Variants in PUM3 observed in about 807,000 individuals in gnomAD.
The protein encoded by PUM3 is pumilio RNA binding family member 3, also known as pumilio homolog 3.
Under a neutral mutation model 84.0 loss-of-function variants are expected in PUM3, and 91 were observed. The observed-to-expected ratio is 1.08, with a 90% CI of 0.91 to 1.29. The LOEUF is 1.29. PUM3 is among the 50% of genes most tolerant of loss of function. The pLI is 0.00. For synonymous variants in PUM3, 321 were observed against 266.7 expected, an observed-to-expected ratio of 1.20 and a Z score of -1.98; for missense variants, 1,067 against 767.5, an observed-to-expected ratio of 1.39 and a Z score of -4.61.
chr9:2,840,953 G>A (rs1816250666), intron 1 of PUM3, among the ~76,000 whole-genome samples: 1 of 152,148 alleles, frequency 6.6e-6, no homozygotes, highest in South Asian at 2.1e-4. Flanking sequence ...ACAGATTCAG[G>A]AAACACATAT....
At chr9:2,830,914 T>C (rs768656905) in intron 7 of PUM3, 48 bp downstream of exon 7, 4 of 956,478 alleles carry the variant, frequency 4.2e-6, no homozygotes, top group Admixed American at 2.2e-5. Flanking sequence ...GGAAACCATG[T>C]CTTCAAAAGA....
chr9:2,811,509 T>A lies in PUM3; in HGVS notation c.1487A>T (p.Glu496Val). Residue 496 changes from glutamate (E) to valine (V), a missense_variant, in exon 15 of 18, where the codon GAA becomes GTA. Glu to Val is a moderately radical substitution (Grantham distance 121, BLOSUM62 -2). Transcript: ENST00000397885. ...ISPALLSYLQ[E>V]HAQEVVLDKS... is the part of the protein sequence containing the mutation. ...ATCTAGCACCACTTCTTGGGCGTGT[T>A]CTTGCAGGTAGCTTAACAAAGCTGG... is the stretch of plus-strand genomic sequence containing the variant. 1.9e-6 allele frequency: 3 copies of A among 1,614,198 alleles called. No individual in the cohort carries two copies. The highest frequency in any genetic ancestry group is 1.7e-6 in the Non-Finnish European group (2 of 1,180,040).
rs1012362906 is a variant in PUM3 at position 2,811,889 on chromosome 9, C to T, written c.1413-306G>A. ...AAAACCAAATAACATACCCAGAAAACAACACATTTACACTGCTGTATGGAC... is the reference window on the plus strand; with the variant it reads ...AAAACCAAATAACATACCCAGAAAATAACACATTTACACTGCTGTATGGAC... On this transcript the variant is annotated intron_variant, in intron 14 of 17. Coordinates refer to ENST00000397885, the MANE Select transcript of PUM3 (RefSeq NM_014878.5). 2.9e-5 allele frequency among the ~76,000 whole-genome samples: 4 copies of T among 138,268 alleles called. No individual in the cohort carries two copies. In the East Asian group the frequency reaches 8.5e-4, roughly 30 times the overall value. The allele number at this position is 138,268 out of a possible 152,430, so 90.7% of individuals were successfully genotyped here.
At chr9:2,837,089 G>C in intron 3 of PUM3, 91 bp downstream of exon 3, 2 of 1,079,064 alleles carry the variant, frequency 1.9e-6, no homozygotes, top group East Asian at 2.4e-5. Context: ...ACCTGCCAAG[G>C]AATAAGAATG....
At chr9:2,840,828 C>T (rs1816247645) in intron 1 of PUM3, among the ~76,000 whole-genome samples, 2 of 152,174 alleles carry the variant, frequency 1.3e-5, no homozygotes, top group Non-Finnish European at 2.9e-5. Context: ...AAATCAGCCA[C>T]TTCTCCAAGG....
chr9:2,804,154 T>G lies in PUM3; in HGVS notation c.*177A>C. The G allele has an allele frequency of 1.8e-6, 1 of 556,012 alleles. No homozygotes were observed. Among genetic ancestry groups the G allele is most frequent in the Non-Finnish European group, 3.0e-6 (1 of 337,832 alleles). 34.4% of individuals were successfully genotyped at this position (556,012 alleles called of 1,614,324 possible). Reference sequence around the variant, plus strand: ...TGTAACAGAGGAGACAGCTGAGATTTTTAAAAAAGACCATTTAAAAAAACA... The same window carrying G: ...TGTAACAGAGGAGACAGCTGAGATTGTTAAAAAAGACCATTTAAAAAAACA... On this transcript the variant is annotated 3_prime_UTR_variant, in exon 18 of 18. Coordinates refer to ENST00000397885, the MANE Select transcript of PUM3 (RefSeq NM_014878.5).
chr9:2,817,520 G>C (rs954486346), intron 13 of PUM3, among the ~76,000 whole-genome samples: 23 of 151,756 alleles, frequency 1.5e-4, no homozygotes, highest in African/African-American at 5.3e-4. Context: ...CATGAGAAAA[G>C]AAAAAAAGCA....
intron 3 of PUM3, among the ~76,000 whole-genome samples, chr9:2,836,731 G>A (rs1404426878): frequency 6.6e-6 from 1 of 152,068 alleles, no homozygotes; most frequent in African/African-American, 2.4e-5. Flanking sequence ...ACACTTAGCT[G>A]GGGACAGACT....
At chr9:2,835,482 A>C (rs567395376) in intron 3 of PUM3, among the ~76,000 whole-genome samples, 2 of 152,340 alleles carry the variant, frequency 1.3e-5, no homozygotes, top group Non-Finnish European at 2.9e-5. Context: ...TCATGAAATT[A>C]ACATTCCTCA....
At position 2,811,637 on chromosome 9, in the gene PUM3, T is replaced by G; in HGVS notation, c.1413-54A>C. The G allele has an allele frequency of 3.0e-6, 4 of 1,348,430 alleles. No individual in the cohort carries two copies. In the Admixed American group the frequency reaches 6.9e-5, roughly 23 times the overall value. 83.5% of individuals were successfully genotyped at this position (1,348,430 alleles called of 1,614,324 possible). A position where few individuals can be genotyped will look rare whatever the true frequency, so the allele number is the denominator to read the frequency against. On this transcript the variant is annotated intron_variant, in intron 14 of 17. Coordinates refer to ENST00000397885, the MANE Select transcript of PUM3 (RefSeq NM_014878.5). ...GGTAAGATAAATCGCAAAGGAAATG[T>G]GGTGATATTATCACAAAAACCTCTA...
chr9:2,833,971 G>A (rs111887951), intron 4 of PUM3, 60 bp downstream of exon 4: 1 of 1,547,320 alleles, frequency 6.5e-7, no homozygotes, highest in East Asian at 2.2e-5. Context: ...TATTTACAAG[G>A]TACACTGACT....
chr9:2,826,451 T>C (rs946684364), intron 10 of PUM3, among the ~76,000 whole-genome samples: 2 of 150,580 alleles, frequency 1.3e-5, no homozygotes. Context: ...AATGAATGTA[T>C]AGTCTGGCGT....
At chr9:2,809,981 A>G (rs895821905) in intron 16 of PUM3, among the ~76,000 whole-genome samples, 2 of 152,004 alleles carry the variant, frequency 1.3e-5, no homozygotes, top group African/African-American at 4.8e-5. Context: ...AATGATACTC[A>G]ACAATTGGGG....
intron 10 of PUM3, among the ~76,000 whole-genome samples, chr9:2,825,235 T>A (rs1815780235): frequency 6.6e-6 from 1 of 152,074 alleles, no homozygotes; most frequent in Admixed American, 6.5e-5. Flanking sequence ...ATAAACAGAA[T>A]CAAAACACTC....
intron 4 of PUM3, 54 bp from the exon 5 acceptor site, chr9:2,833,486 C>T: frequency 9.8e-7 from 1 of 1,015,692 alleles, no homozygotes; most frequent in Non-Finnish European, 1.5e-6. Flanking sequence ...TTATTTTAAA[C>T]ACACAAAATT....
At position 2,823,877 on chromosome 9, in the gene PUM3, T is replaced by C. The variant is rs57327961; in HGVS notation, c.1135-43A>G. On this transcript the variant is annotated intron_variant, in intron 11 of 17. Transcript: ENST00000397885. The stretch of plus-strand genomic sequence containing the variant: ...GTCTCACTGAATTTTCAGTTATGTA[T>C]TAAGGGTATTTTGTAGTTAAACATT... 5.6e-4 allele frequency: 575 copies of C among 1,031,914 alleles called. 5 individuals carry two copies. In the African/African-American group the frequency reaches 8.3e-3, roughly 15 times the overall value. 63.9% of individuals were successfully genotyped at this position (1,031,914 alleles called of 1,614,324 possible).
At chr9:2,806,248 T>C (rs935545258) in intron 17 of PUM3, among the ~76,000 whole-genome samples, 1 of 152,176 alleles carries the variant, frequency 6.6e-6, no homozygotes, top group Non-Finnish European at 1.5e-5. Flanking sequence ...GTAAAAAAAT[T>C]TGTAATGAAA....
In PUM3 at chr9:2,807,879, C is replaced by G. The variant is rs768308178; in HGVS notation, c.1749G>C (p.Glu583Asp). ...REGCFAKTLV[E>D]HVGMKNLKSW... ...ACTTCAGGTTCTTCATACCAACATG[C>G]TCTACAAGTGTTTTTGCAAAACAAC... is the stretch of plus-strand genomic sequence containing the variant. The change falls in exon 17 of 18, where the codon GAG becomes GAC. Residue 583 changes from glutamate to aspartate, a missense_variant. Coordinates refer to ENST00000397885, the MANE Select transcript of PUM3 (RefSeq NM_014878.5). 1 of 1,613,320 alleles carries G rather than the reference C, an allele frequency of 6.2e-7. No homozygotes were observed. The highest frequency in any genetic ancestry group is 8.5e-7 in the Non-Finnish European group (1 of 1,179,610).
chr9:2,808,506 C>A (rs946501037), intron 16 of PUM3, among the ~76,000 whole-genome samples: 2 of 152,184 alleles, frequency 1.3e-5, no homozygotes, highest in Non-Finnish European at 2.9e-5. Context: ...GCAATTAATG[C>A]TTGGACAAAG....
Sources: gnomAD v4.1 joint callset for allele counts (sites outside exome capture counted in the v4.1 genomes callset) on GRCh38, gnomAD v4.1.1 for gene constraint, MANE v1.5 for transcripts, NCBI Gene and HGNC (gene_info 2026-07-23, HGNC 2026-07-21) for gene names.